Variants in ZNF292 observed in about 807,000 individuals in gnomAD.
ZNF292 encodes the protein 16 zinc-finger domain protein.
A neutral mutation model predicts 217.9 loss-of-function variants in ZNF292; 26 were observed. The observed-to-expected ratio is 0.12, with a 90% CI of 0.09 to 0.17. The LOEUF is 0.17. Among genes scored for constraint, ZNF292 ranks in the 10% least tolerant of loss-of-function variants. ZNF292 has a pLI of 1.00. For missense variants in ZNF292, 2,904 were observed against 3,175.2 expected, an observed-to-expected ratio of 0.91 and a Z score of 2.05; for synonymous variants, 1,257 against 1,124.1, an observed-to-expected ratio of 1.12 and a Z score of -2.37.
At chr6:87,199,983 C>G (rs577305536) in intron 1 of ZNF292, among the ~76,000 whole-genome samples, 24 of 152,302 alleles carry the variant, frequency 1.6e-4, no homozygotes, top group African/African-American at 5.8e-4. Flanking sequence ...TAGACTGTGG[C>G]AGCCTTTCTG....
intron 1 of ZNF292, among the ~76,000 whole-genome samples, chr6:87,166,026 G>A (rs1261456651): frequency 1.3e-5 from 2 of 152,034 alleles, no homozygotes; most frequent in African/African-American, 4.8e-5. Context: ...CCAAACTGTT[G>A]GGATTACAGG....
At position 87,254,677 on chromosome 6, in the gene ZNF292, A is replaced by G. The variant is rs1486267251; in HGVS notation, c.1048A>G (p.Ile350Val). 1.2e-6 allele frequency: 2 copies of G among 1,613,648 alleles called. No homozygotes were observed. The highest frequency in any genetic ancestry group is 2.2e-5 in the East Asian group (1 of 44,860). The change falls in exon 8 of 8, where the codon ATA (isoleucine) becomes GTA (valine). Residue 350 changes from isoleucine (I) to valine (V), a missense_variant. By Grantham distance (29) the Ile-to-Val change is conservative (BLOSUM62 3). This residue lies in a region of ZNF292 where 313 missense variants were observed against 451.0 expected (regional missense o/e 0.69). Coordinates refer to ENST00000369577, the MANE Select transcript of ZNF292 (RefSeq NM_015021.3). ...ETEGAGLATCIELCVKALRLE... is the reference protein window; with the variant it reads ...ETEGAGLATCVELCVKALRLE... ...TGAAGGGGCTGGACTTGCTACCTGT[A>G]TAGAACTGTGTGTAAAGGCTCTTCG...
chr6:87,212,530 C>G (rs940956116), intron 1 of ZNF292, among the ~76,000 whole-genome samples: 1 of 152,136 alleles, frequency 6.6e-6, no homozygotes, highest in Non-Finnish European at 1.5e-5. Context: ...AAGACACTTA[C>G]GTAGATTTCA....
chr6:87,196,827 GTAT>G (rs753917126), intron 1 of ZNF292, among the ~76,000 whole-genome samples: 32 of 152,202 alleles, frequency 2.1e-4, no homozygotes, highest in Admixed American at 8.5e-4. Context: ...TCTAGTCTTT[GTAT>G]TATTCCCAGA....
At chr6:87,180,781 T>C (rs1221134714) in intron 1 of ZNF292, among the ~76,000 whole-genome samples, 1 of 152,142 alleles carries the variant, frequency 6.6e-6, no homozygotes, top group Non-Finnish European at 1.5e-5. Flanking sequence ...CTCTTCTAAG[T>C]TTGTTCCTTC....
In ZNF292 at chr6:87,260,064, A is replaced by G; in HGVS notation, c.6435A>G (p.Ala2145=). ...CTGTACACAAATCAGATCTACCTGC[A>G]TTTTCAGCAGAGGTCGAAGAGGAAA... ...YQAVHKSDLP[A]FSAEVEEESE... is the part of the protein sequence containing the mutation. Residue 2145 remains alanine, a synonymous_variant, in exon 8 of 8, where the codon GCA becomes GCG. Transcript: ENST00000369577. The G allele has an allele frequency of 3.7e-6, 6 of 1,613,600 alleles. No individual in the cohort carries two copies. The highest frequency in any genetic ancestry group is 5.1e-6 in the Non-Finnish European group (6 of 1,179,640).
intron 1 of ZNF292, among the ~76,000 whole-genome samples, chr6:87,208,613 T>C (rs569793147): frequency 5.7e-4 from 86 of 152,134 alleles, no homozygotes; most frequent in African/African-American, 1.9e-3. Context: ...TTTTCCCCCT[T>C]GTTTTGATTT....
At chr6:87,239,913 G>A (rs1214876483) in intron 5 of ZNF292, among the ~76,000 whole-genome samples, 5 of 150,594 alleles carry the variant, frequency 3.3e-5, no homozygotes, top group African/African-American at 9.8e-5. Flanking sequence ...GACGATGGGT[G>A]GCCAGGCAGA....
intron 4 of ZNF292, among the ~76,000 whole-genome samples, chr6:87,231,827 T>TAG (rs1773672418): frequency 6.6e-6 from 1 of 152,206 alleles, no homozygotes; most frequent in Non-Finnish European, 1.5e-5. Context: ...TCCCAGACTT[T>TAG]GTATCTCTAG....
intron 1 of ZNF292, among the ~76,000 whole-genome samples, chr6:87,163,232 A>G (rs992363939): frequency 6.6e-6 from 1 of 152,204 alleles, no homozygotes; most frequent in Non-Finnish European, 1.5e-5. Context: ...CGGGCAGATC[A>G]TGAAGTCAGG....
chr6:87,260,329 G>A lies in ZNF292; in HGVS notation c.6700G>A (p.Val2234Ile). The part of the protein sequence containing the change: ...KSSFTTYLNY[V>I]VHLEADHGIG... ...TTCATTTACTACATATTTGAACTAT[G>A]TTGTTCATCTAGAGGCAGACCACGG... is the stretch of plus-strand genomic sequence containing the variant. The change falls in exon 8 of 8, where the codon GTT becomes ATT. Residue 2234 changes from valine to isoleucine, a missense_variant. Around this residue, in one of 15 missense-constraint regions of ZNF292, gnomAD observed 55 missense variants for 99.8 expected, o/e 0.55. Coordinates refer to ENST00000369577, the MANE Select transcript of ZNF292 (RefSeq NM_015021.3). The A allele has an allele frequency of 6.2e-7, 1 of 1,613,424 alleles. No homozygotes were observed. Among genetic ancestry groups the A allele is most frequent in the South Asian group, 1.1e-5 (1 of 91,072 alleles).
rs1183009361 is a variant in ZNF292, at chr6:87,254,782, G to A, written c.1153G>A (p.Val385Ile). 6.2e-6 allele frequency: 10 copies of A among 1,613,832 alleles called. No individual in the cohort carries two copies. Among genetic ancestry groups the A allele is most frequent in the Non-Finnish European group, 8.5e-6 (10 of 1,179,854 alleles). The change falls in exon 8 of 8, where the codon GTT (valine) becomes ATT (isoleucine). Residue 385 changes from valine (V) to isoleucine (I), a missense_variant. By Grantham distance (29) the Val-to-Ile change is conservative. Coordinates refer to ENST00000369577, the MANE Select transcript of ZNF292 (RefSeq NM_015021.3). Reference protein sequence around the residue: ...ISCLLPDDLEVKRACQLSEFL... With the variant: ...ISCLLPDDLEIKRACQLSEFL... ...ATGTTTGTTGCCTGATGATCTGGAA[G>A]TTAAACGTGCTTGTCAACTGAGTGA...
At chr6:87,174,124 C>A in intron 1 of ZNF292, 1 of 158,816 alleles carries the variant, frequency 6.3e-6, no homozygotes. Context: ...AGCTTCTCTG[C>A]AATGCCAGTG....
At chr6:87,222,701 T>C (rs1773145455) in intron 4 of ZNF292, 2 of 410,610 alleles carry the variant, frequency 4.9e-6, no homozygotes, top group Non-Finnish European at 9.9e-6. Flanking sequence ...ATTTATACTT[T>C]GTTATTAATT....
intron 1 of ZNF292, among the ~76,000 whole-genome samples, chr6:87,161,575 A>G (rs1285714722): frequency 1.3e-5 from 2 of 152,136 alleles, no homozygotes; most frequent in Non-Finnish European, 2.9e-5. Flanking sequence ...GCACATCAAC[A>G]TGCCTAACTT....
chr6:87,187,776 G>T (rs898560641), intron 1 of ZNF292, among the ~76,000 whole-genome samples: 1 of 150,346 alleles, frequency 6.7e-6, no homozygotes, highest in African/African-American at 2.5e-5. Context: ...TGATGCTCCA[G>T]ATTAAAAGCT....
chr6:87,198,179 ATT>A (rs1772010648), intron 1 of ZNF292, among the ~76,000 whole-genome samples: 1 of 126,656 alleles, frequency 7.9e-6, no homozygotes, highest in Admixed American at 8.8e-5. Context: ...TTGCATGTTT[ATT>A]TTATTTATTT....
Position 87,188,343 on chromosome 6 carries a change from A to G in ZNF292, c.169-27560A>G, listed in dbSNP as rs1474464704. Among the ~76,000 whole-genome samples the G allele has an allele frequency of 3.9e-5, 6 of 152,206 alleles. No homozygotes were observed. The East Asian group carries it at 9.6e-4, about 24-fold the overall frequency. On this transcript the variant is annotated intron_variant, in intron 1 of 7. Transcript: ENST00000369577. ...CTCAGGCTGTTTTGATACCTTGAGC[A>G]AAGAGAAATCGCTAAGGTAAAGATA...
intron 1 of ZNF292, among the ~76,000 whole-genome samples, chr6:87,160,641 C>T (rs191516507): frequency 1.9e-4 from 27 of 142,808 alleles, no homozygotes; most frequent in African/African-American, 4.7e-4. Context: ...TACATGTATA[C>T]GGTGTGTGTG....
Sources: allele counts gnomAD v4.1 joint callset (sites outside exome capture counted in the v4.1 genomes callset), GRCh38; gene constraint gnomAD v4.1.1; regional missense constraint gnomAD v4.1.1; transcripts MANE v1.5; gene names NCBI Gene and HGNC (gene_info 2026-07-23, HGNC 2026-07-21).